The following SNX29 variants were observed in gnomAD, a reference collection of about 807,000 sequenced individuals.
SNX29 encodes the protein sorting nexin 29, also known as sorting nexin-29.
In SNX29, 78 loss-of-function variants were observed where a neutral mutation model predicts 102.1. The ratio of observed to expected loss-of-function variants is 0.76; its 90% CI spans 0.64 to 0.92. SNX29 has a LOEUF of 0.92. SNX29 is among the 40% of genes least tolerant of loss of function. The pLI is 0.00. For synonymous variants in SNX29, 580 were observed against 414.5 expected (o/e 1.40, Z -4.85); for missense variants, 1,280 against 1,061.7 (o/e 1.21, Z -2.86).
At chr16:12,508,956 T>C (rs994537481) in intron 19 of SNX29, among the ~76,000 whole-genome samples, 5 of 152,166 alleles carry the variant, frequency 3.3e-5, no homozygotes, top group African/African-American at 1.2e-4. Flanking sequence ...ATCTGTGAAA[T>C]GTCGTTCAGG....
At chr16:12,565,938 C>G (rs569994874) in intron 20 of SNX29, among the ~76,000 whole-genome samples, 1 of 152,186 alleles carries the variant, frequency 6.6e-6, no homozygotes, top group African/African-American at 2.4e-5. Flanking sequence ...TGTCCAGTGT[C>G]TGCCCTCCCC....
rs769592043 is a variant in SNX29 at position 12,572,139 on chromosome 16, G to A, written c.*3510G>A. 35 of 1,009,578 alleles carry A rather than the reference G, an allele frequency of 3.5e-5. No individual in the cohort carries two copies. The highest frequency in any genetic ancestry group is 1.1e-4 in the Admixed American group (2 of 18,580). 62.5% of individuals were successfully genotyped at this position (1,009,578 alleles called of 1,614,324 possible). ...AGCCCTTGGCCCTGCTTCATACTTT[G>A]GAGCTTATTAAGATCAATTTTGATA... On this transcript the variant is annotated 3_prime_UTR_variant, in exon 21 of 21. Transcript: ENST00000566228.
intron 20 of SNX29, among the ~76,000 whole-genome samples, chr16:12,540,572 G>C (rs908224236): frequency 6.6e-6 from 1 of 152,144 alleles, no homozygotes; most frequent in Non-Finnish European, 1.5e-5. Context: ...CCCCTTCTTT[G>C]CTTCCCAGCA....
rs117303716 is a variant in SNX29, at chr16:12,302,069, T to A, written c.1782+24033T>A. On this transcript the variant is annotated intron_variant, in intron 15 of 20. Transcript: ENST00000566228. ...GAAGGAAATGAACCAGTGCCTACGGTCCTTTCTTTATCAGAATCTAGAATG... is the reference window on the plus strand; with the variant it reads ...GAAGGAAATGAACCAGTGCCTACGGACCTTTCTTTATCAGAATCTAGAATG... 1.5e-3 allele frequency among the ~76,000 whole-genome samples: 231 copies of A among 152,316 alleles called. 4 individuals are homozygous for A. In the East Asian group the frequency reaches 0.041, roughly 27 times the overall value.
In SNX29 at chr16:12,013,498, AAAATATATATATAT is replaced by A. The variant is rs1359517660; in HGVS notation, c.122+10457_122+10470del. Among the ~76,000 whole-genome samples, 24 of 33,508 alleles carry A rather than the reference AAAATATATATATAT, an allele frequency of 7.2e-4. 3 individuals are homozygous for A. The East Asian group carries it at 0.022, about 31-fold the overall frequency. 22.0% of individuals were successfully genotyped at this position (33,508 alleles called of 152,430 possible). ...CTGTCTCTACTGGGGGAAAAAAAAA[AAAATATATATATAT>A]ATATATATATATATATATATATATA... On this transcript the variant is annotated intron_variant, in intron 3 of 20. Transcript: ENST00000566228.
Position 12,492,010 on chromosome 16 carries a change from A to T in SNX29, c.2178+14151A>T, listed in dbSNP as rs371762749. ...AACATACGTGTGCGTGTGTCTTTATAGCAGCATGATTTATAATCCTTTGGG... is the reference window on the plus strand; with the variant it reads ...AACATACGTGTGCGTGTGTCTTTATTGCAGCATGATTTATAATCCTTTGGG... On this transcript the variant is annotated intron_variant, in intron 19 of 20. Transcript: ENST00000566228. Among the ~76,000 whole-genome samples the T allele has an allele frequency of 7.2e-4, 110 of 152,336 alleles. 2 individuals are homozygous for T. In the East Asian group the frequency reaches 0.016, roughly 22 times the overall value.
chr16:12,206,501 G>A (rs1341270559), intron 14 of SNX29, among the ~76,000 whole-genome samples: 2 of 151,966 alleles, frequency 1.3e-5, no homozygotes, highest in African/African-American at 2.4e-5. Flanking sequence ...TGTTTGCAGA[G>A]TTGGAAAGAG....
At position 12,027,438 on chromosome 16, in the gene SNX29, G is replaced by A. The variant is rs375103773; in HGVS notation, c.241G>A (p.Glu81Lys). The change falls in exon 4 of 21, where the codon GAA becomes AAA. Residue 81 changes from glutamate (E) to lysine (K), a missense_variant. Glu to Lys is a moderately conservative substitution (Grantham distance 56, BLOSUM62 1). Coordinates refer to ENST00000566228, the MANE Select transcript of SNX29 (RefSeq NM_032167.5). ...GGCAGCGGGCTTTGCCAGCAAAACC[G>A]AAACAGGTACTGCTCTGCCTGGCTG... The part of the protein sequence containing the change: ...KQAAGFASKT[E>K]TEPVFWYYVK... The A allele has an allele frequency of 1.6e-5, 26 of 1,613,700 alleles. No homozygotes were observed. The highest frequency in any genetic ancestry group is 2.0e-5 in the Non-Finnish European group (24 of 1,179,876).
intron 20 of SNX29, among the ~76,000 whole-genome samples, chr16:12,528,780 G>A (rs1048716509): frequency 1.4e-4 from 21 of 152,160 alleles, no homozygotes; most frequent in Non-Finnish European, 2.2e-4. Context: ...TGATGCATTC[G>A]GTTTGCACAC....
chr16:12,524,143 C>T (rs565779623), intron 19 of SNX29, among the ~76,000 whole-genome samples: 3 of 152,286 alleles, frequency 2.0e-5, no homozygotes, highest in Middle Eastern at 3.4e-3. Context: ...GCGTCTGCAT[C>T]GTGGCCCACG....
chr16:12,390,880 TAAA>T (rs113993775), intron 16 of SNX29, among the ~76,000 whole-genome samples: 3 of 135,568 alleles, frequency 2.2e-5, no homozygotes, highest in African/African-American at 2.7e-5. Flanking sequence ...GTTCAGTCTT[TAAA>T]AAAAAAAAAA....
intron 14 of SNX29, among the ~76,000 whole-genome samples, chr16:12,274,293 C>A (rs960820622): frequency 6.6e-6 from 1 of 152,046 alleles, no homozygotes; most frequent in Non-Finnish European, 1.5e-5. Context: ...TAGTTTTTAT[C>A]CTTTGTAAAA....
chr16:12,156,198 G>A (rs60178103), intron 13 of SNX29, among the ~76,000 whole-genome samples: 2,946 of 152,128 alleles, frequency 0.019, 98 homozygotes, highest in African/African-American at 0.067. Flanking sequence ...TTTTGAGATG[G>A]AGTCTTGCTC....
At chr16:12,540,832 C>G (rs750476012) in intron 20 of SNX29, among the ~76,000 whole-genome samples, 1 of 152,194 alleles carries the variant, frequency 6.6e-6, no homozygotes, top group Non-Finnish European at 1.5e-5. Context: ...CAAAAAGAAA[C>G]AAGATCGCCT....
At chr16:12,341,707 A>C (rs1468881134) in intron 15 of SNX29, among the ~76,000 whole-genome samples, 3 of 152,218 alleles carry the variant, frequency 2.0e-5, no homozygotes, top group East Asian at 1.9e-4. Flanking sequence ...ACACGCCAGC[A>C]GTCCTATGCT....
chr16:12,412,600 G>A (rs2084447297), intron 18 of SNX29, among the ~76,000 whole-genome samples: 1 of 152,222 alleles, frequency 6.6e-6, no homozygotes, highest in South Asian at 2.1e-4. Flanking sequence ...AGCCTCATAT[G>A]CATAAAGTCT....
intron 20 of SNX29, among the ~76,000 whole-genome samples, chr16:12,536,561 C>G (rs1432562522): frequency 1.3e-5 from 2 of 152,152 alleles, no homozygotes; most frequent in African/African-American, 2.4e-5. Flanking sequence ...GCCCCTACCT[C>G]AGAAAGTTGC....
intron 15 of SNX29, among the ~76,000 whole-genome samples, chr16:12,321,799 C>T (rs2080940531): frequency 1.3e-5 from 2 of 152,152 alleles, no homozygotes; most frequent in Admixed American, 1.3e-4. Flanking sequence ...CAAACACATG[C>T]TACCACCCAC....
chr16:12,555,638 C>A (rs530393602), intron 20 of SNX29, among the ~76,000 whole-genome samples: 2 of 152,030 alleles, frequency 1.3e-5, no homozygotes, highest in Non-Finnish European at 2.9e-5. Flanking sequence ...CTGAGTAACC[C>A]CACTGATGCC....
Sources: gnomAD v4.1 joint callset for allele counts (sites outside exome capture counted in the v4.1 genomes callset) on GRCh38, gnomAD v4.1.1 for gene constraint, MANE v1.5 for transcripts, NCBI Gene and HGNC (gene_info 2026-07-23, HGNC 2026-07-21) for gene names.